PCDHA12: variants seen among roughly 807,000 people sequenced by gnomAD.
PCDHA12 encodes protocadherin alpha 12.
In PCDHA12, 44 loss-of-function variants were observed where a neutral mutation model predicts 60.0. The ratio of observed to expected loss-of-function variants is 0.73; its 90% CI spans 0.58 to 0.94. The LOEUF (loss-of-function observed/expected upper bound fraction) is 0.94, where lower values mean the gene tolerates loss of function less well. Ranked by LOEUF, PCDHA12 falls within the 40% of genes least tolerant of loss-of-function variation. PCDHA12 has a pLI of 0.00. For synonymous variants in PCDHA12, 569 were observed against 553.0 expected (o/e 1.03, Z -0.40); for missense variants, 1,276 against 1,239.7 (o/e 1.03, Z -0.44).
Position 140,882,649 on chromosome 5 carries a change from C to G in PCDHA12, c.2367+4810C>G, listed in dbSNP as rs559940161. The G allele has an allele frequency of 3.7e-6, 6 of 1,614,096 alleles. No homozygotes were observed. In the Admixed American group the frequency reaches 1.0e-4, roughly 27 times the overall value. On this transcript the variant is annotated intron_variant, in intron 1 of 3. Coordinates refer to ENST00000398631, the MANE Select transcript of PCDHA12 (RefSeq NM_018903.4). ...TGGAGGTGAAGGTGAGGGACATTAACGACAACCCGCCCATATTCCCTGAAA... is the reference window on the plus strand; with the variant it reads ...TGGAGGTGAAGGTGAGGGACATTAAGGACAACCCGCCCATATTCCCTGAAA...
intron 1 of PCDHA12, chr5:140,967,164 C>G (rs762120187): frequency 8.7e-6 from 14 of 1,611,226 alleles, no homozygotes; most frequent in Non-Finnish European, 1.2e-5. Flanking sequence ...GCGGTGAGCG[C>G]CGTTGAGGTG....
chr5:140,908,596 T>C (rs1311064984), intron 1 of PCDHA12, among the ~76,000 whole-genome samples: 1 of 152,120 alleles, frequency 6.6e-6, no homozygotes, highest in African/African-American at 2.4e-5. Flanking sequence ...CTGCAGAAGA[T>C]GGAAGGGCCT....
In PCDHA12 at chr5:141,010,797, AC is replaced by A. The variant is rs1329759215; in HGVS notation, c.*864del. Reference sequence around the variant, plus strand: ...AATACTTATGCAAAAGCAAAAGAAAACCCCGACACCTCACCTTTCGCTGTTT... The same window carrying A: ...AATACTTATGCAAAAGCAAAAGAAAACCCGACACCTCACCTTTCGCTGTTT... On this transcript the variant is annotated 3_prime_UTR_variant, in exon 4 of 4. Transcript: ENST00000398631. The A allele has an allele frequency of 6.5e-6, 1 of 153,778 alleles. No homozygotes were observed. The highest frequency in any genetic ancestry group is 2.4e-5 in the African/African-American group (1 of 41,460). 9.5% of individuals were successfully genotyped at this position (153,778 alleles called of 1,614,324 possible).
At chr5:140,975,154 G>C (rs73268051) in intron 1 of PCDHA12, among the ~76,000 whole-genome samples, 1,571 of 152,266 alleles carry the variant, frequency 0.01, 23 homozygotes, top group African/African-American at 0.036. Flanking sequence ...TCAGTTCCTA[G>C]AGAACTGAGG....
chr5:140,937,648 CACGCCTGTAATCCCAGCACT>C (rs1554211703), intron 1 of PCDHA12, among the ~76,000 whole-genome samples: 3 of 150,626 alleles, frequency 2.0e-5, no homozygotes, highest in South Asian at 4.2e-4. Flanking sequence ...CATGGTGGCT[CACGCCTGTAATCCCAGCACT>C]TTGGGAGGCT....
chr5:140,914,207 A>G (rs1485868934), intron 1 of PCDHA12, among the ~76,000 whole-genome samples: 4 of 152,060 alleles, frequency 2.6e-5, no homozygotes, highest in African/African-American at 9.7e-5. Context: ...TGTGATCTCT[A>G]TCTCTCTTTT....
At chr5:140,925,138 CA>C (rs2153576707) in intron 1 of PCDHA12, among the ~76,000 whole-genome samples, 1 of 151,676 alleles carries the variant, frequency 6.6e-6, no homozygotes, top group South Asian at 2.1e-4. Flanking sequence ...AAATTTCAAA[CA>C]TACACAAAAG....
chr5:140,879,003 G>C (rs781827510), intron 1 of PCDHA12, among the ~76,000 whole-genome samples: 1 of 152,144 alleles, frequency 6.6e-6, no homozygotes, highest in African/African-American at 2.4e-5. Flanking sequence ...GTATGCCCTA[G>C]AAATCAGATA....
intron 1 of PCDHA12, among the ~76,000 whole-genome samples, chr5:140,925,082 AAAGGAAGG>A (rs138596875): frequency 4.1e-5 from 6 of 147,388 alleles, no homozygotes; most frequent in Admixed American, 1.3e-4. Flanking sequence ...GCTCATCTGG[AAAGGAAGG>A]AAGGAAGGAA....
At chr5:140,928,630 G>A in intron 1 of PCDHA12, 1 of 1,614,210 alleles carries the variant, frequency 6.2e-7, no homozygotes, top group East Asian at 2.2e-5. Context: ...TGGACACTTG[G>A]TCACAAAAGT....
chr5:140,905,963 G>A (rs182775194), intron 1 of PCDHA12, among the ~76,000 whole-genome samples: 9 of 152,308 alleles, frequency 5.9e-5, no homozygotes, highest in Admixed American at 5.9e-4. Flanking sequence ...TCAAGGGGAG[G>A]AAGATCCAGC....
At chr5:140,923,020 G>A (rs946669637) in intron 1 of PCDHA12, among the ~76,000 whole-genome samples, 6 of 152,228 alleles carry the variant, frequency 3.9e-5, no homozygotes, top group Admixed American at 1.3e-4. Context: ...CTGCAGTTTC[G>A]GACTCTATTA....
chr5:140,984,091 T>G (rs1357477287), intron 3 of PCDHA12, among the ~76,000 whole-genome samples: 1 of 152,204 alleles, frequency 6.6e-6, no homozygotes. Context: ...GAAGAAATGA[T>G]GGAGGAGGAA....
chr5:140,961,338 G>C (rs1554225370), intron 1 of PCDHA12, among the ~76,000 whole-genome samples: 1 of 152,170 alleles, frequency 6.6e-6, no homozygotes, highest in Non-Finnish European at 1.5e-5. Flanking sequence ...GAGACCAAGA[G>C]TGGATCCCTG....
intron 1 of PCDHA12, among the ~76,000 whole-genome samples, chr5:140,939,948 A>C (rs2153644220): frequency 6.6e-6 from 1 of 152,296 alleles, no homozygotes; most frequent in Admixed American, 6.5e-5. Context: ...TACTGAGAAA[A>C]TTATGTTAAA....
chr5:140,946,886 C>G (rs1304455156), intron 1 of PCDHA12, among the ~76,000 whole-genome samples: 1 of 151,128 alleles, frequency 6.6e-6, no homozygotes, highest in African/African-American at 2.4e-5. Context: ...TACGAAGTTA[C>G]AATTAGATAG....
intron 3 of PCDHA12, among the ~76,000 whole-genome samples, chr5:141,000,877 C>T (rs2097970762): frequency 6.6e-6 from 1 of 151,952 alleles, no homozygotes; most frequent in Non-Finnish European, 1.5e-5. Context: ...CATTGTACTC[C>T]AACCTGGGCA....
chr5:140,972,700 T>C (rs1353443535), intron 1 of PCDHA12, among the ~76,000 whole-genome samples: 3 of 147,702 alleles, frequency 2.0e-5, no homozygotes, highest in African/African-American at 7.5e-5. Context: ...AGTCTCACTC[T>C]GTTGCCAGGC....
intron 3 of PCDHA12, among the ~76,000 whole-genome samples, chr5:140,999,602 G>A (rs150839481): frequency 5.1e-4 from 78 of 152,202 alleles, no homozygotes; most frequent in African/African-American, 1.9e-3. Flanking sequence ...CTACATCCTG[G>A]GGGACCTTAT....
Sources: allele counts gnomAD v4.1 joint callset (sites outside exome capture counted in the v4.1 genomes callset), GRCh38; gene constraint gnomAD v4.1.1; transcripts MANE v1.5; gene names NCBI Gene and HGNC (gene_info 2026-07-23, HGNC 2026-07-21).